TMEM145: variants seen among roughly 807,000 people sequenced by gnomAD.
The protein encoded by TMEM145 is transmembrane protein 145.
A neutral mutation model predicts 68.5 loss-of-function variants in TMEM145; 46 were observed. The ratio of observed to expected loss-of-function variants is 0.67; its 90% CI spans 0.53 to 0.86. The LOEUF (loss-of-function observed/expected upper bound fraction) is 0.86. Among genes scored for constraint, TMEM145 ranks in the 40% least tolerant of loss-of-function variants. The probability of loss-of-function intolerance (pLI) is 0.00; values close to 1 mark genes in which losing one functional copy is unlikely to be tolerated. For synonymous variants in TMEM145, 255 were observed against 280.2 expected, an observed-to-expected ratio of 0.91 and a Z score of 0.90; for missense variants, 570 against 645.8, an observed-to-expected ratio of 0.88 and a Z score of 1.27.
rs939450196 is a variant in TMEM145 at position 42,316,900 on chromosome 19, G to A, written c.837G>A (p.Lys279=). ...RGRISHAGSV[K]LSVYMTLYTL... is the part of the protein sequence containing the mutation. Reference sequence around the variant, plus strand: ...GCATCAGCCACGCGGGCTCCGTGAAGTTGTCTGTCTACATGACCCTGTACA... The same window carrying A: ...GCATCAGCCACGCGGGCTCCGTGAAATTGTCTGTCTACATGACCCTGTACA... Residue 279 remains lysine (K), a synonymous_variant, in exon 11 of 15, where the codon AAG becomes AAA. Coordinates refer to ENST00000301204, the MANE Select transcript of TMEM145 (RefSeq NM_173633.3). The A allele has an allele frequency of 1.2e-6, 2 of 1,613,786 alleles. No homozygotes were observed. Among genetic ancestry groups the A allele is most frequent in the African/African-American group, 1.3e-5 (1 of 75,058 alleles).
At chr19:42,321,173 C>T in intron 13 of TMEM145, 1 of 398,642 alleles carries the variant, frequency 2.5e-6, no homozygotes, top group Non-Finnish European at 4.4e-6. Context: ...TGGGGTGGCA[C>T]AGGGTGAAGC....
At chr19:42,321,706 C>T (rs1402286332) in intron 13 of TMEM145, 1 of 152,126 alleles carries the variant, frequency 6.6e-6, no homozygotes, top group Non-Finnish European at 1.5e-5. Flanking sequence ...CACGTCTATT[C>T]TTTGCCCTGG....
chr19:42,323,561 C>G (rs1345125022), intron 13 of TMEM145, 22 bp from the exon 14 acceptor site: 7 of 1,612,452 alleles, frequency 4.3e-6, no homozygotes, highest in Non-Finnish European at 5.9e-6. Context: ...CCTCTCACAC[C>G]TGCTCCTGGC....
Position 42,316,477 on chromosome 19 carries a change from T to G in TMEM145, c.647-4T>G, listed in dbSNP as rs1210350526. The G allele has an allele frequency of 6.2e-7, 1 of 1,614,010 alleles. No individual in the cohort carries two copies. The highest frequency in any genetic ancestry group is 1.1e-5 in the South Asian group (1 of 91,082). The stretch of plus-strand genomic sequence containing the variant: ...CCTTTCTTATCTGCCCATCCTCCCC[T>G]CAGTCCTGAGCCTCCTATTTTTCTG... On this transcript the variant is annotated splice_region_variant and splice_polypyrimidine_tract_variant and intron_variant, in intron 8 of 14. Transcript: ENST00000301204.
chr19:42,317,202 C>G (rs1568547597), intron 11 of TMEM145, among the ~76,000 whole-genome samples: 1 of 152,174 alleles, frequency 6.6e-6, no homozygotes, highest in Non-Finnish European at 1.5e-5. Flanking sequence ...TGCTCAATAT[C>G]GTGACTAAGA....
In TMEM145 at chr19:42,323,807, A is replaced by G. The variant is rs369656069; in HGVS notation, c.1401+18A>G. On this transcript the variant is annotated intron_variant, in intron 14 of 14. Transcript: ENST00000301204. The stretch of plus-strand genomic sequence containing the variant: ...CCACCTCCGTAAGCCCCGCGGCCCC[A>G]GCGCCCGAGGAGCTGCTGGCGCCGC... 6 of 1,594,090 alleles carry G rather than the reference A, an allele frequency of 3.8e-6. No homozygotes were observed. The South Asian group carries it at 4.4e-5, about 12-fold the overall frequency.
intron 12 of TMEM145, among the ~76,000 whole-genome samples, chr19:42,318,210 A>G (rs918907814): frequency 1.3e-5 from 2 of 151,638 alleles, no homozygotes; most frequent in African/African-American, 2.4e-5. Flanking sequence ...TACTAAAAAT[A>G]CAAAAAAATT....
At chr19:42,315,868 A>G (rs1420812158) in intron 8 of TMEM145, among the ~76,000 whole-genome samples, 1 of 152,130 alleles carries the variant, frequency 6.6e-6, no homozygotes, top group East Asian at 1.9e-4. Context: ...TGTCTCCACT[A>G]AAAATACAAA....
rs377611757 is a variant in TMEM145 at position 42,314,877 on chromosome 19, C to T, written c.420+26C>T. 4.0e-5 allele frequency: 64 copies of T among 1,614,142 alleles called. No individual in the cohort carries two copies. The African/African-American group carries it at 5.9e-4, about 15-fold the overall frequency. Reference sequence around the variant, plus strand: ...GTGCGTGAACGGTGGTGGTATATTGCGCTCAGCAAGTGTGGGGTAAGGGGC... The same window carrying T: ...GTGCGTGAACGGTGGTGGTATATTGTGCTCAGCAAGTGTGGGGTAAGGGGC... On this transcript the variant is annotated intron_variant, in intron 5 of 14. Transcript: ENST00000301204.
chr19:42,314,141 G>C, intron 1 of TMEM145, 131 bp from the exon 2 acceptor site: 1 of 894,204 alleles, frequency 1.1e-6, no homozygotes, highest in South Asian at 1.4e-5. Context: ...AAGGAGTTTG[G>C]AGGTGACCTG....
At chr19:42,324,183 G>A (rs1335386708) in intron 14 of TMEM145, 2 of 916,414 alleles carry the variant, frequency 2.2e-6, no homozygotes, top group Admixed American at 1.2e-4. Flanking sequence ...CACACCTGGG[G>A]TGGAAGGGTT....
chr19:42,320,392 T>C lies in TMEM145; in HGVS notation c.1149T>C (p.Asn383=), dbSNP rs370248931. Residue 383 remains asparagine (N), a synonymous_variant, in exon 13 of 15, where the codon AAT becomes AAC. Transcript: ENST00000301204. The part of the protein sequence containing the change: ...IPKWAREKIV[N]GIQLGIHLYA... ...AGTGGGCCCGGGAGAAGATTGTCAA[T>C]GGCATCCAGCTGGGGATCCACTTGT... 2 of 1,614,026 alleles carry C rather than the reference T, an allele frequency of 1.2e-6. No individual in the cohort carries two copies. The highest frequency in any genetic ancestry group is 1.3e-5 in the African/African-American group (1 of 74,936).
chr19:42,314,209 G>T, intron 1 of TMEM145, 63 bp from the exon 2 acceptor site: 1 of 1,584,810 alleles, frequency 6.3e-7, no homozygotes, highest in African/African-American at 1.3e-5. Context: ...AAAAGTTGGG[G>T]GTCTATGGAG....
At chr19:42,318,367 CAAA>C (rs112206821) in intron 12 of TMEM145, among the ~76,000 whole-genome samples, 3 of 66,860 alleles carry the variant, frequency 4.5e-5, no homozygotes, top group Non-Finnish European at 2.9e-5. Flanking sequence ...GACTCCATCT[CAAA>C]AAAAAAAAAA....
rs377238257 is a variant in TMEM145 at position 42,317,737 on chromosome 19, C to A, written c.929C>A (p.Thr310Lys). 2 of 1,614,190 alleles carry A rather than the reference C, an allele frequency of 1.2e-6. No individual in the cohort carries two copies. The highest frequency in any genetic ancestry group is 4.5e-5 in the East Asian group (2 of 44,874). ...TTTGACCCAGGCCAGGTACTGTACACGTATGAGTCGCCGGCCGGCTACGGG... is the reference window on the plus strand; with the variant it reads ...TTTGACCCAGGCCAGGTACTGTACAAGTATGAGTCGCCGGCCGGCTACGGG... ...EFFDPGQVLY[T>K]YESPAGYGLI... The change falls in exon 12 of 15, where the codon ACG (threonine) becomes AAG (lysine). Residue 310 changes from threonine (T) to lysine (K), a missense_variant. Thr to Lys is a moderately conservative substitution (Grantham distance 78). Coordinates refer to ENST00000301204, the MANE Select transcript of TMEM145 (RefSeq NM_173633.3).
Position 42,314,447 on chromosome 19 carries a change from G to T in TMEM145, c.196-4G>T. The T allele has an allele frequency of 6.2e-7, 1 of 1,614,190 alleles. No homozygotes were observed. The highest frequency in any genetic ancestry group is 1.7e-5 in the Admixed American group (1 of 60,026). On this transcript the variant is annotated splice_polypyrimidine_tract_variant and splice_region_variant and intron_variant, in intron 2 of 14. Transcript: ENST00000301204. ...TCCCGGTCCCCAACATCTCTGGTCT[G>T]CAGGCCAAGTGCTGTCAGAACATCC...
intron 13 of TMEM145, among the ~76,000 whole-genome samples, chr19:42,320,707 A>G: frequency 6.6e-6 from 1 of 151,360 alleles, no homozygotes; most frequent in South Asian, 2.1e-4. Flanking sequence ...GGCTCCCTGC[A>G]AACTCCGCCT....
At chr19:42,317,408 G>C (rs2038869771) in intron 11 of TMEM145, among the ~76,000 whole-genome samples, 1 of 152,194 alleles carries the variant, frequency 6.6e-6, no homozygotes. Flanking sequence ...CTTAGCCTTA[G>C]TTTCCTCTTC....
intron 14 of TMEM145, chr19:42,324,498 C>T: frequency 2.0e-6 from 2 of 985,396 alleles, no homozygotes; most frequent in Non-Finnish European, 2.4e-6. Context: ...AGCATGCACA[C>T]GGCCGGGGGC....
Sources: gnomAD v4.1 joint callset for allele counts (sites outside exome capture counted in the v4.1 genomes callset) on GRCh38, gnomAD v4.1.1 for gene constraint, MANE v1.5 for transcripts, NCBI Gene and HGNC (gene_info 2026-07-23, HGNC 2026-07-21) for gene names.